TCF4: variants seen among roughly 807,000 people sequenced by gnomAD.
TCF4 encodes SL3-3 enhancer factor 2.
TCF4 carries 3 observed loss-of-function variants against 82.1 expected under a neutral mutation model. The ratio of observed to expected loss-of-function variants is 0.04; its 90% CI spans 0.02 to 0.09. TCF4 has a LOEUF of 0.09. TCF4 is among the 10% of genes least tolerant of loss of function. The pLI is 1.00. For missense variants in TCF4, 518 were observed against 852.7 expected (o/e 0.61, Z 4.89); for synonymous variants, 276 against 309.6 (o/e 0.89, Z 1.14).
intron 6 of TCF4, among the ~76,000 whole-genome samples, chr18:55,381,726 T>C (rs970516912): frequency 1.3e-5 from 2 of 151,800 alleles, no homozygotes; most frequent in Non-Finnish European, 2.9e-5. Flanking sequence ...ATCGGTTTTA[T>C]ACTCAATCCC....
intron 3 of TCF4, among the ~76,000 whole-genome samples, chr18:55,526,167 G>A (rs1450574782): frequency 6.6e-6 from 1 of 152,246 alleles, no homozygotes; most frequent in East Asian, 1.9e-4. Flanking sequence ...CCACAAAGGG[G>A]AGAGAAATGT....
intron 11 of TCF4, chr18:55,269,434 G>C (rs2059879152): frequency 3.2e-6 from 1 of 315,754 alleles, no homozygotes; most frequent in South Asian, 3.0e-5. Flanking sequence ...ATGGATAAGA[G>C]CCTAGCACAA....
chr18:55,398,458 G>A (rs1055123022), intron 6 of TCF4, among the ~76,000 whole-genome samples: 6 of 152,088 alleles, frequency 3.9e-5, no homozygotes, highest in African/African-American at 1.4e-4. Flanking sequence ...CCCTCATTCA[G>A]GCCTTTCCAG....
intron 6 of TCF4, among the ~76,000 whole-genome samples, chr18:55,355,411 C>T (rs1433295336): frequency 1.3e-5 from 2 of 152,088 alleles, no homozygotes; most frequent in East Asian, 3.9e-4. Context: ...TCTGTAAATC[C>T]CTGTCGAATA....
At chr18:55,425,699 T>G (rs2094950838) in intron 5 of TCF4, among the ~76,000 whole-genome samples, 1 of 152,166 alleles carries the variant, frequency 6.6e-6, no homozygotes, top group South Asian at 2.1e-4. Flanking sequence ...GTTGGGCTCT[T>G]TCAAATTAAA....
chr18:55,350,430 T>C, intron 7 of TCF4, 22 bp from the exon 8 acceptor site: 2 of 1,613,214 alleles, frequency 1.2e-6, no homozygotes, highest in Non-Finnish European at 1.7e-6. Context: ...TGAAGATGCT[T>C]TCAGCTCCCA....
intron 8 of TCF4, among the ~76,000 whole-genome samples, chr18:55,316,153 T>C (rs2074082441): frequency 6.6e-6 from 1 of 152,130 alleles, no homozygotes; most frequent in Non-Finnish European, 1.5e-5. Context: ...GGCCCAGTAA[T>C]CTTTTATGTG....
chr18:55,521,527 C>T (rs2096933341), intron 3 of TCF4, among the ~76,000 whole-genome samples: 2 of 152,150 alleles, frequency 1.3e-5, no homozygotes, highest in South Asian at 4.1e-4. Flanking sequence ...ACGTTATCCT[C>T]CCAAGAAAAT....
intron 8 of TCF4, among the ~76,000 whole-genome samples, chr18:55,316,834 T>C (rs150726222): frequency 6.6e-6 from 1 of 152,220 alleles, no homozygotes; most frequent in African/African-American, 2.4e-5. Context: ...CCTGCAATAA[T>C]GCCATCACCC....
intron 8 of TCF4, chr18:55,321,531 A>C (rs758509421): frequency 3.5e-5 from 45 of 1,282,062 alleles, no homozygotes; most frequent in Admixed American, 9.9e-5. Context: ...TAGGATTGGC[A>C]AATGATAAAT....
At chr18:55,571,695 A>G (rs2097470345) in intron 3 of TCF4, among the ~76,000 whole-genome samples, 1 of 152,024 alleles carries the variant, frequency 6.6e-6, no homozygotes, top group East Asian at 1.9e-4. Flanking sequence ...GGAAGTCAAG[A>G]AAGAGGCTAT....
intron 8 of TCF4, among the ~76,000 whole-genome samples, chr18:55,349,301 A>G (rs567146739): frequency 1.3e-5 from 2 of 152,266 alleles, no homozygotes; most frequent in Admixed American, 1.3e-4. Context: ...GATGAGCTGA[A>G]CTGAAATCAA....
Position 55,223,068 on chromosome 18 carries a change from CAACTG to C in TCF4, c.*4962_*4966del, listed in dbSNP as rs1211544301. ...GAGAATGTTCTGCCAAACAGCCGAC[CAACTG>C]GTGCAAAAGGTTAAGGCTGACTTGA... On this transcript the variant is annotated 3_prime_UTR_variant, in exon 20 of 20. Coordinates refer to ENST00000354452, the MANE Select transcript of TCF4 (RefSeq NM_001083962.2). 2 of 152,182 alleles carry C rather than the reference CAACTG, an allele frequency of 1.3e-5. No homozygotes were observed. Among genetic ancestry groups the C allele is most frequent in the Non-Finnish European group, 2.9e-5 (2 of 68,034 alleles). 9.4% of individuals were successfully genotyped at this position (152,182 alleles called of 1,614,324 possible). A position where few individuals can be genotyped will look rare whatever the true frequency, so the allele number is the denominator to read the frequency against.
chr18:55,375,640 A>G (rs1372520406), intron 6 of TCF4, among the ~76,000 whole-genome samples: 1 of 152,180 alleles, frequency 6.6e-6, no homozygotes, highest in African/African-American at 2.4e-5. Context: ...AAACAACTAA[A>G]AAAAACTACC....
intron 8 of TCF4, among the ~76,000 whole-genome samples, chr18:55,329,700 C>CA (rs1248084923): frequency 6.6e-6 from 1 of 151,982 alleles, no homozygotes; most frequent in African/African-American, 2.4e-5. Flanking sequence ...ATGGTTGGGC[C>CA]AAAAATTGAT....
chr18:55,475,470 G>A (rs1014447643), intron 3 of TCF4, among the ~76,000 whole-genome samples: 1 of 152,124 alleles, frequency 6.6e-6, no homozygotes. Context: ...TGCAAATTCT[G>A]CAATGTATGA....
At position 55,232,715 on chromosome 18, in the gene TCF4, A is replaced by G. The variant is rs187909305; in HGVS notation, c.1487-44T>C. 2.9e-5 allele frequency: 47 copies of G among 1,609,790 alleles called. No homozygotes were observed. The African/African-American group carries it at 5.7e-4, about 20-fold the overall frequency. ...CAGGTGACATGTACACCACAATCTC[A>G]CTGCCTGCACACCAGATTGCAAGGC... On this transcript the variant is annotated intron_variant, in intron 16 of 19. Coordinates refer to ENST00000354452, the MANE Select transcript of TCF4 (RefSeq NM_001083962.2).
chr18:55,574,580 C>A (rs557235553), intron 3 of TCF4, among the ~76,000 whole-genome samples: 2 of 152,298 alleles, frequency 1.3e-5, no homozygotes, highest in East Asian at 1.9e-4. Context: ...TTCAAATGAT[C>A]CGCCTGCCTT....
intron 8 of TCF4, chr18:55,320,694 T>C (rs2075278867): frequency 6.6e-6 from 1 of 152,218 alleles, no homozygotes; most frequent in Admixed American, 6.5e-5. Context: ...TCAATCCAAA[T>C]GGAAGTTCAA....
Sources: gnomAD v4.1 joint callset for allele counts (sites outside exome capture counted in the v4.1 genomes callset) on GRCh38, gnomAD v4.1.1 for gene constraint, MANE v1.5 for transcripts, NCBI Gene and HGNC (gene_info 2026-07-23, HGNC 2026-07-21) for gene names.